The following ZNF423 variants were observed in gnomAD, a reference collection of about 807,000 sequenced individuals.
ZNF423 encodes zinc finger protein 423, also known as Ebf-associated zinc finger protein.
A neutral mutation model predicts 95.8 loss-of-function variants in ZNF423; 12 were observed. The ratio of observed to expected loss-of-function variants is 0.13; its 90% CI spans 0.08 to 0.20. ZNF423 has a LOEUF of 0.20. ZNF423 is among the 10% of genes least tolerant of loss of function. The pLI is 1.00. For missense variants in ZNF423, 1,316 were observed against 1,737.1 expected, an observed-to-expected ratio of 0.76 and a Z score of 4.31; for synonymous variants, 749 against 711.9, an observed-to-expected ratio of 1.05 and a Z score of -0.83.
intron 7 of ZNF423, among the ~76,000 whole-genome samples, chr16:49,507,938 T>C (rs1314761374): frequency 6.6e-6 from 1 of 152,152 alleles, no homozygotes. Context: ...CACAGAAATG[T>C]CGGCCAGGGG....
At chr16:49,839,448 GC>G (rs1458340948) in intron 1 of ZNF423, among the ~76,000 whole-genome samples, 2 of 152,204 alleles carry the variant, frequency 1.3e-5, no homozygotes, top group African/African-American at 4.8e-5. Context: ...AGGGAGCAGT[GC>G]AGTGGCCCGC....
At chr16:49,576,453 G>T (rs950665986) in intron 5 of ZNF423, among the ~76,000 whole-genome samples, 3 of 152,204 alleles carry the variant, frequency 2.0e-5, no homozygotes, top group African/African-American at 4.8e-5. Context: ...TAGCCCCAAT[G>T]CAACTACATT....
upstream of ZNF423, among the ~76,000 whole-genome samples, chr16:49,856,683 A>G (rs2144146859): frequency 6.8e-6 from 1 of 146,738 alleles, no homozygotes; most frequent in African/African-American, 2.5e-5. Context: ...CGGAGGAGGA[A>G]GGGGCGCGCG....
At chr16:49,827,397 G>C (rs1440914380) in intron 1 of ZNF423, among the ~76,000 whole-genome samples, 1 of 152,042 alleles carries the variant, frequency 6.6e-6, no homozygotes, top group African/African-American at 2.4e-5. Flanking sequence ...CAGAACATCA[G>C]CTCCAGGAGG....
chr16:49,758,919 A>G (rs2033776138), intron 2 of ZNF423, among the ~76,000 whole-genome samples: 3 of 152,230 alleles, frequency 2.0e-5, no homozygotes. Context: ...AAGGAGAAAC[A>G]GGGATGGGGA....
intron 2 of ZNF423, among the ~76,000 whole-genome samples, chr16:49,734,380 AC>A (rs1182313648): frequency 6.6e-6 from 1 of 152,218 alleles, no homozygotes; most frequent in Non-Finnish European, 1.5e-5. Flanking sequence ...GAGTCCCATC[AC>A]AAGCGCTGGC....
chr16:49,792,224 A>G (rs917630850), intron 1 of ZNF423, among the ~76,000 whole-genome samples: 4 of 152,244 alleles, frequency 2.6e-5, no homozygotes, highest in African/African-American at 9.6e-5. Context: ...TAGTCTGCAC[A>G]CTTACACCCA....
At chr16:49,583,122 A>G (rs1597136122) in intron 5 of ZNF423, among the ~76,000 whole-genome samples, 2 of 152,338 alleles carry the variant, frequency 1.3e-5, no homozygotes, top group Non-Finnish European at 2.9e-5. Context: ...GAGGCCACCT[A>G]TGGACCGCAA....
chr16:49,837,291 T>A (rs189534028), intron 1 of ZNF423, among the ~76,000 whole-genome samples: 1 of 152,232 alleles, frequency 6.6e-6, no homozygotes, highest in East Asian at 1.9e-4. Flanking sequence ...CGTGGCTGTG[T>A]GAGCCAGGGC....
At chr16:49,784,777 C>T (rs2034282645) in intron 2 of ZNF423, among the ~76,000 whole-genome samples, 1 of 151,986 alleles carries the variant, frequency 6.6e-6, no homozygotes, top group Non-Finnish European at 1.5e-5. Flanking sequence ...TGGTGAAACC[C>T]TGTCTCTACT....
chr16:49,761,239 T>A (rs1391811850), intron 2 of ZNF423, among the ~76,000 whole-genome samples: 1 of 152,112 alleles, frequency 6.6e-6, no homozygotes, highest in African/African-American at 2.4e-5. Flanking sequence ...TGAGAAACCA[T>A]GAAAGGGTCC....
At chr16:49,824,654 G>A (rs1158761953) in intron 1 of ZNF423, among the ~76,000 whole-genome samples, 1 of 152,170 alleles carries the variant, frequency 6.6e-6, no homozygotes, top group Non-Finnish European at 1.5e-5. Context: ...ATAAACTTGG[G>A]CGAGTCACTT....
chr16:49,673,428 G>C (rs975285453), intron 3 of ZNF423, among the ~76,000 whole-genome samples: 3 of 152,250 alleles, frequency 2.0e-5, no homozygotes, highest in African/African-American at 7.2e-5. Flanking sequence ...ACCAGCGTGA[G>C]CGGTGGTGTC....
At chr16:49,832,925 C>CA (rs2035076379) in intron 1 of ZNF423, among the ~76,000 whole-genome samples, 1 of 152,214 alleles carries the variant, frequency 6.6e-6, no homozygotes, top group African/African-American at 2.4e-5. Context: ...GTGACATCTC[C>CA]AATCTCTCAA....
chr16:49,735,123 G>C (rs1423276024), intron 2 of ZNF423, among the ~76,000 whole-genome samples: 1 of 152,146 alleles, frequency 6.6e-6, no homozygotes, highest in Non-Finnish European at 1.5e-5. Context: ...CAGCCCCTAA[G>C]GTTCAGCAAC....
At chr16:49,677,960 A>T (rs1357973811) in intron 3 of ZNF423, among the ~76,000 whole-genome samples, 1 of 152,092 alleles carries the variant, frequency 6.6e-6, no homozygotes, top group Non-Finnish European at 1.5e-5. Flanking sequence ...AGGCGGGTAG[A>T]TCATTTGAGG....
At position 49,637,786 on chromosome 16, in the gene ZNF423, G is replaced by A. The variant is rs889768836; in HGVS notation, c.1390C>T (p.Leu464Phe). The change falls in exon 4 of 8, where the codon CTC becomes TTC. Residue 464 changes from leucine to phenylalanine, a missense_variant. Transcript: ENST00000563137. This position sits in a 1 kb window ranked among gnomAD's most constrained non-coding sequence, Gnocchi z 5.6. Reference protein sequence around the residue: ...CLDSMPTLYNLNEHVRKLHKN... With the variant: ...CLDSMPTLYNFNEHVRKLHKN... ...TGCAGCTTGCGAACGTGCTCGTTGAGGTTGTAGAGGGTGGGCATGGAGTCC... is the reference window on the plus strand; with the variant it reads ...TGCAGCTTGCGAACGTGCTCGTTGAAGTTGTAGAGGGTGGGCATGGAGTCC... The A allele has an allele frequency of 1.2e-5, 20 of 1,614,050 alleles. No homozygotes were observed. The highest frequency in any genetic ancestry group is 1.7e-5 in the Non-Finnish European group (20 of 1,180,042).
chr16:49,856,113 CAAAAAAAA>C (rs1179159400), upstream of ZNF423: 1 of 2,678 alleles, frequency 3.7e-4, no homozygotes, highest in African/African-American at 1.6e-3. Flanking sequence ...CCGAGTTATG[CAAAAAAAA>C]AAAAAAAAAA....
intron 1 of ZNF423, among the ~76,000 whole-genome samples, chr16:49,827,520 CTT>C (rs33953484): frequency 0.48 from 71,056 of 149,334 alleles, 16,912 homozygotes; most frequent in Middle Eastern, 0.62. Flanking sequence ...GAACAGCTAA[CTT>C]TTTTTTTTTT....
Sources: gnomAD v4.1 joint callset for allele counts (sites outside exome capture counted in the v4.1 genomes callset) on GRCh38, gnomAD v4.1.1 for gene constraint, Gnocchi (gnomAD v3.1) non-coding constraint, MANE v1.5 for transcripts, NCBI Gene and HGNC (gene_info 2026-07-23, HGNC 2026-07-21) for gene names.